Variants in PALS2 observed in about 807,000 individuals in gnomAD.
The protein encoded by PALS2 is protein PALS2.
Under a neutral mutation model 61.6 loss-of-function variants are expected in PALS2, and 27 were observed. The ratio of observed to expected loss-of-function variants is 0.44; its 90% CI spans 0.32 to 0.60. The LOEUF is 0.60. Ranked by LOEUF, PALS2 falls within the 20% of genes least tolerant of loss-of-function variation. The probability of loss-of-function intolerance (pLI) is 0.05; values close to 1 mark genes in which losing one functional copy is unlikely to be tolerated. For synonymous variants in PALS2, 236 were observed against 218.6 expected (o/e 1.08, Z -0.70); for missense variants, 554 against 639.4 (o/e 0.87, Z 1.44).
intron 1 of PALS2, among the ~76,000 whole-genome samples, chr7:24,589,901 A>G (rs941597101): frequency 8.5e-5 from 13 of 152,118 alleles, no homozygotes; most frequent in African/African-American, 2.2e-4. Context: ...TGGCAGTACT[A>G]TACTTTGCAA....
rs559513728 is a variant in PALS2 at position 24,655,318 on chromosome 7, G to T, written c.651+4606G>T. ...ATATAGCATGATACTATTTTTTTAC[G>T]TTTAAAATAACTATATAAAGAGTAC... On this transcript the variant is annotated intron_variant, in intron 5 of 11. Coordinates refer to ENST00000222644, the MANE Select transcript of PALS2 (RefSeq NM_001303037.2). Among the ~76,000 whole-genome samples, 4 of 152,100 alleles carry T rather than the reference G, an allele frequency of 2.6e-5. No homozygotes were observed. In the East Asian group the frequency reaches 7.7e-4, roughly 29 times the overall value.
At chr7:24,629,857 G>T (rs1784920488) in intron 2 of PALS2, among the ~76,000 whole-genome samples, 1 of 152,204 alleles carries the variant, frequency 6.6e-6, no homozygotes, top group South Asian at 2.1e-4. Flanking sequence ...TGGAGAAATA[G>T]AAATACTTTT....
chr7:24,649,384 A>C lies in PALS2; in HGVS notation c.271-228A>C, dbSNP rs189686441. Among the ~76,000 whole-genome samples the C allele has an allele frequency of 4.0e-4, 61 of 152,236 alleles. 1 individual carries two copies. The highest frequency in any genetic ancestry group is 3.4e-3 in the Middle Eastern group (1 of 294). On this transcript the variant is annotated intron_variant, in intron 3 of 11. Transcript: ENST00000222644. ...TAAAAAGCATCACTAATATCTCTTC[A>C]TATCTCAAAGAAGGAATATAATATT...
chr7:24,598,567 A>T (rs117880837), intron 1 of PALS2, among the ~76,000 whole-genome samples: 1 of 152,216 alleles, frequency 6.6e-6, no homozygotes, highest in Non-Finnish European at 1.5e-5. Context: ...AGTCTTTCAT[A>T]TAAGAAATGT....
At position 24,618,786 on chromosome 7, in the gene PALS2, G is replaced by T. The variant is rs1390373389; in HGVS notation, c.-2-4880G>T. On this transcript the variant is annotated intron_variant, in intron 1 of 11. Coordinates refer to ENST00000222644, the MANE Select transcript of PALS2 (RefSeq NM_001303037.2). This position sits in a 1 kb window ranked among gnomAD's most constrained non-coding sequence, Gnocchi z 5.1. ...GGATGCCTCCACGCTGGCCTTGTGG[G>T]CTCCCAGTCATCACAGGTACCTCTC... 6.6e-6 allele frequency among the ~76,000 whole-genome samples: 1 copy of T among 152,174 alleles called. No homozygotes were observed. Among genetic ancestry groups the T allele is most frequent in the Non-Finnish European group, 1.5e-5 (1 of 68,020 alleles).
intron 1 of PALS2, among the ~76,000 whole-genome samples, chr7:24,603,168 T>C (rs558341126): frequency 1.8e-4 from 28 of 152,294 alleles, no homozygotes; most frequent in Non-Finnish European, 2.1e-4. Context: ...CTGTGAGAAA[T>C]AAATTTCTGT....
chr7:24,690,974 G>A lies in PALS2; in HGVS notation c.*3360G>A, dbSNP rs1788439233. The A allele has an allele frequency of 6.6e-6, 1 of 152,074 alleles. No homozygotes were observed. Among genetic ancestry groups the A allele is most frequent in the African/African-American group, 2.4e-5 (1 of 41,422 alleles). 9.4% of individuals were successfully genotyped at this position (152,074 alleles called of 1,614,324 possible). ...ACCCAAGTTAGCAATAAAACCATGT[G>A]ACATTATAGATTATGTCCAGATACT... On this transcript the variant is annotated 3_prime_UTR_variant, in exon 12 of 12. Transcript: ENST00000222644.
intron 6 of PALS2, among the ~76,000 whole-genome samples, chr7:24,664,033 T>C (rs560150842): frequency 2.2e-3 from 332 of 152,320 alleles, no homozygotes; most frequent in African/African-American, 7.5e-3. Context: ...ACTTGGGTCA[T>C]CCCTTTTCAA....
rs1788450481 is a variant in PALS2 at position 24,691,208 on chromosome 7, CT to C, written c.*3595del. On this transcript the variant is annotated 3_prime_UTR_variant, in exon 12 of 12. Transcript: ENST00000222644. ...TTTGAAAATTGCTCAAAATAATAAT[CT>C]ACTTAAATTTTACTTTTGTAACTTC... The C allele has an allele frequency of 6.6e-6, 1 of 151,570 alleles. No homozygotes were observed. The highest frequency in any genetic ancestry group is 2.1e-4 in the South Asian group (1 of 4,802). 9.4% of individuals were successfully genotyped at this position (151,570 alleles called of 1,614,324 possible).
At chr7:24,587,271 A>G (rs942061501) in intron 1 of PALS2, among the ~76,000 whole-genome samples, 2 of 152,154 alleles carry the variant, frequency 1.3e-5, no homozygotes, top group African/African-American at 4.8e-5. Context: ...GGGTACTGTC[A>G]TATAGGGGAG....
intron 9 of PALS2, among the ~76,000 whole-genome samples, chr7:24,671,599 T>C (rs1787299411): frequency 6.6e-6 from 1 of 152,208 alleles, no homozygotes; most frequent in Non-Finnish European, 1.5e-5. Flanking sequence ...TGGTACCATA[T>C]CAAGGCTTTC....
intron 9 of PALS2, among the ~76,000 whole-genome samples, chr7:24,668,884 C>G (rs1018086122): frequency 6.6e-6 from 1 of 152,176 alleles, no homozygotes; most frequent in African/African-American, 2.4e-5. Context: ...AAGTGCTTCT[C>G]TAAACTATTC....
At chr7:24,595,525 A>AATATATAATATATAATATATAAT (rs1783481362) in intron 1 of PALS2, among the ~76,000 whole-genome samples, 1 of 132,504 alleles carries the variant, frequency 7.5e-6, no homozygotes. Flanking sequence ...TAATATATAT[A>AATATATAATATATAATATATAAT]ATATATAATA....
intron 9 of PALS2, among the ~76,000 whole-genome samples, chr7:24,673,305 G>C (rs937797932): frequency 6.6e-6 from 1 of 152,034 alleles, no homozygotes; most frequent in African/African-American, 2.4e-5. Flanking sequence ...TCAGTTGCTT[G>C]TAATTTGTAA....
chr7:24,612,094 A>G (rs777884109), intron 1 of PALS2, among the ~76,000 whole-genome samples: 9 of 151,840 alleles, frequency 5.9e-5, no homozygotes, highest in Non-Finnish European at 1.2e-4. Context: ...ACTTTTGAAT[A>G]TTTTTGTACA....
At chr7:24,639,224 A>G (rs1330897521) in intron 2 of PALS2, among the ~76,000 whole-genome samples, 1 of 152,236 alleles carries the variant, frequency 6.6e-6, no homozygotes, top group Non-Finnish European at 1.5e-5. Flanking sequence ...TTAATGTTAG[A>G]GTGGCTCTCT....
intron 1 of PALS2, among the ~76,000 whole-genome samples, chr7:24,587,391 A>T (rs1783109639): frequency 1.3e-5 from 2 of 152,026 alleles, no homozygotes; most frequent in Admixed American, 6.6e-5. Context: ...AATTTAAAAA[A>T]TTTTTTTAGA....
chr7:24,608,673 C>A (rs2128051106), intron 1 of PALS2, among the ~76,000 whole-genome samples: 1 of 152,290 alleles, frequency 6.6e-6, no homozygotes, highest in Middle Eastern at 3.4e-3. Flanking sequence ...ACAGTCACAG[C>A]TCACTATAAC....
chr7:24,633,089 A>G (rs954852859), intron 2 of PALS2, among the ~76,000 whole-genome samples: 1 of 152,196 alleles, frequency 6.6e-6, no homozygotes, highest in Non-Finnish European at 1.5e-5. Context: ...TGTTGTGAAT[A>G]AAACTATTAT....
Sources: gnomAD v4.1 joint callset for allele counts (sites outside exome capture counted in the v4.1 genomes callset) on GRCh38, gnomAD v4.1.1 for gene constraint, Gnocchi (gnomAD v3.1) non-coding constraint, MANE v1.5 for transcripts, NCBI Gene and HGNC (gene_info 2026-07-23, HGNC 2026-07-21) for gene names.